RMND5A: variants seen among roughly 807,000 people sequenced by gnomAD.
RMND5A encodes required for meiotic nuclear division 5 homolog A, also known as E3 ubiquitin-protein transferase RMND5A.
In RMND5A, 17 loss-of-function variants were observed where a neutral mutation model predicts 49.7. The observed-to-expected ratio is 0.34, with a 90% CI of 0.23 to 0.51. RMND5A has a LOEUF of 0.51. RMND5A is among the 20% of genes least tolerant of loss of function. The pLI, the probability that RMND5A is intolerant of heterozygous loss-of-function variation, is 0.96. For synonymous variants in RMND5A, 156 were observed against 167.7 expected, an observed-to-expected ratio of 0.93 and a Z score of 0.54; for missense variants, 255 against 471.3, an observed-to-expected ratio of 0.54 and a Z score of 4.25.
rs769980625 is a variant in RMND5A at position 86,777,195 on chromosome 2, C to T, written c.*3784C>T. The T allele has an allele frequency of 6.6e-6, 1 of 152,182 alleles. No individual in the cohort carries two copies. Among genetic ancestry groups the T allele is most frequent in the Admixed American group, 6.5e-5 (1 of 15,280 alleles). 9.4% of individuals were successfully genotyped at this position (152,182 alleles called of 1,614,324 possible). ...AGTGGGCATATGCTTCATTTACTTC[C>T]AAAGAGGCAAAAGCAGCTGGAATTG... On this transcript the variant is annotated 3_prime_UTR_variant, in exon 9 of 9. Transcript: ENST00000283632.
At chr2:86,720,942 C>A in intron 1 of RMND5A, 133 bp downstream of exon 1, 1 of 739,264 alleles carries the variant, frequency 1.4e-6, no homozygotes, top group South Asian at 2.1e-5. Flanking sequence ...GCGGAGGCCC[C>A]CAGACCCCTG....
At chr2:86,757,174 CAAAAAAAAAAAAAAAAA>C (rs60710494) in intron 4 of RMND5A, among the ~76,000 whole-genome samples, 76 of 97,954 alleles carry the variant, frequency 7.8e-4, no homozygotes, top group African/African-American at 2.8e-3. Flanking sequence ...AACTCAGTCT[CAAAAAAAAAAAAAAAAA>C]AAAAAAAAAA....
chr2:86,772,615 G>A (rs1309769730), intron 8 of RMND5A, among the ~76,000 whole-genome samples: 2 of 146,676 alleles, frequency 1.4e-5, no homozygotes, highest in Non-Finnish European at 3.0e-5. Flanking sequence ...TTTTTTTTGC[G>A]ATTGAGTCTC....
chr2:86,761,406 G>C (rs1672486898), intron 4 of RMND5A, among the ~76,000 whole-genome samples: 1 of 152,200 alleles, frequency 6.6e-6, no homozygotes, highest in Non-Finnish European at 1.5e-5. Context: ...CCAGGGAATT[G>C]AGGTCAAGAA....
rs138837213 is a variant in RMND5A, at chr2:86,764,178, G to T, written c.522-849G>T. ...CCAGTTCAGATTCTAGTGGTCTTTG[G>T]TGAATTAGGTTAGGTGGGGAGTATT... On this transcript the variant is annotated intron_variant, in intron 4 of 8. Transcript: ENST00000283632. Among the ~76,000 whole-genome samples, 1,326 of 152,274 alleles carry T rather than the reference G, an allele frequency of 8.7e-3. 66 individuals are homozygous for T. The highest frequency in any genetic ancestry group is 0.076 in the Admixed American group (1,164 of 15,300).
chr2:86,720,924 C>A, intron 1 of RMND5A, 115 bp downstream of exon 1: 1 of 1,003,256 alleles, frequency 1.0e-6, no homozygotes, highest in Non-Finnish European at 1.4e-6. Flanking sequence ...CCTTGCCTCC[C>A]CTGAGGCGCG....
intron 4 of RMND5A, among the ~76,000 whole-genome samples, chr2:86,754,078 A>G (rs1208908271): frequency 2.6e-5 from 4 of 152,276 alleles, no homozygotes; most frequent in African/African-American, 9.6e-5. Context: ...TTACTCTGTA[A>G]GCTATAATAA....
Position 86,757,174 on chromosome 2 carries a change from C to CAAAAAA in RMND5A, c.521+3644_521+3649dup, listed in dbSNP as rs60710494. On this transcript the variant is annotated intron_variant, in intron 4 of 8. Coordinates refer to ENST00000283632, the MANE Select transcript of RMND5A (RefSeq NM_022780.4). Reference sequence around the variant, plus strand: ...GGGCAACAAGAGTGAAACTCAGTCTCAAAAAAAAAAAAAAAAAAAAAAAAA... The same window carrying CAAAAAA: ...GGGCAACAAGAGTGAAACTCAGTCTCAAAAAAAAAAAAAAAAAAAAAAAAAAAAAAA... 3.7e-3 allele frequency among the ~76,000 whole-genome samples: 364 copies of CAAAAAA among 97,898 alleles called. 3 individuals carry two copies. The highest frequency in any genetic ancestry group is 6.3e-3 in the African/African-American group (156 of 24,662). The allele number at this position is 97,898 out of a possible 152,430, so 64.2% of individuals were successfully genotyped here.
chr2:86,764,979 C>A (rs752378573), intron 4 of RMND5A, 48 bp from the exon 5 acceptor site: 1 of 1,544,592 alleles, frequency 6.5e-7, no homozygotes, highest in Non-Finnish European at 8.7e-7. Context: ...TTTTAAGACA[C>A]CTTGCTTATG....
At chr2:86,753,373 T>C in intron 3 of RMND5A, 85 bp from the exon 4 acceptor site, 1 of 765,012 alleles carries the variant, frequency 1.3e-6, no homozygotes, top group South Asian at 1.7e-5. Context: ...TTGCCCCATA[T>C]TTTACAATCT....
intron 4 of RMND5A, among the ~76,000 whole-genome samples, chr2:86,760,832 A>T (rs1236606817): frequency 6.6e-6 from 1 of 152,232 alleles, no homozygotes; most frequent in African/African-American, 2.4e-5. Context: ...TACAAAGCAT[A>T]TTGGAAAAGT....
intron 4 of RMND5A, among the ~76,000 whole-genome samples, chr2:86,756,185 A>T (rs1206666462): frequency 1.3e-5 from 2 of 152,136 alleles, no homozygotes; most frequent in African/African-American, 2.4e-5. Flanking sequence ...TGAGCCCAGG[A>T]GTTCGAGACC....
At chr2:86,771,976 G>A (rs993938039) in intron 8 of RMND5A, among the ~76,000 whole-genome samples, 20 of 152,100 alleles carry the variant, frequency 1.3e-4, no homozygotes, top group Admixed American at 3.3e-4. Context: ...ACAAATGGTC[G>A]CATACTAAAA....
intron 4 of RMND5A, among the ~76,000 whole-genome samples, chr2:86,757,673 G>A (rs771549275): frequency 6.6e-6 from 1 of 152,202 alleles, no homozygotes; most frequent in Non-Finnish European, 1.5e-5. Flanking sequence ...GAAGCTACTT[G>A]GTTGCCTTCC....
chr2:86,769,939 A>G, intron 6 of RMND5A, 84 bp from the exon 7 acceptor site: 1 of 908,008 alleles, frequency 1.1e-6, no homozygotes, highest in Non-Finnish European at 1.8e-6. Flanking sequence ...TGCAGCACAT[A>G]GAGTCTGGAG....
chr2:86,771,514 A>G, intron 7 of RMND5A, 44 bp from the exon 8 acceptor site: 8 of 1,565,776 alleles, frequency 5.1e-6, no homozygotes, highest in Non-Finnish European at 6.9e-6. Flanking sequence ...TGGTTTTGTG[A>G]AATATGACTT....
chr2:86,770,270 T>C lies in RMND5A; in HGVS notation c.957+145T>C, dbSNP rs192992702. On this transcript the variant is annotated intron_variant, in intron 7 of 8. Transcript: ENST00000283632. ...TATGGATATATAAAAGATTAAACAA[T>C]ACAAATGAAGAGCCTAGTACATTTT... The C allele has an allele frequency of 1.2e-3, 816 of 654,400 alleles. 7 individuals carry two copies. In the African/African-American group the frequency reaches 0.014, roughly 11 times the overall value. The allele number at this position is 654,400 out of a possible 1,614,324, so 40.5% of individuals were successfully genotyped here. A position where few individuals can be genotyped will look rare whatever the true frequency, so the allele number is the denominator to read the frequency against.
rs1386106429 is a variant in RMND5A at position 86,729,664 on chromosome 2, G to C, written c.142+8855G>C. ...AGAGATTGAATATGGATAGCAGAAA[G>C]AGCAGATGGAGTGCCTGGAGGGGAG... On this transcript the variant is annotated intron_variant, in intron 1 of 8. Coordinates refer to ENST00000283632, the MANE Select transcript of RMND5A (RefSeq NM_022780.4). 2.1e-5 allele frequency among the ~76,000 whole-genome samples: 2 copies of C among 95,674 alleles called. 1 individual carries two copies. Among genetic ancestry groups the C allele is most frequent in the Non-Finnish European group, 5.1e-5 (2 of 38,996 alleles). The allele number at this position is 95,674 out of a possible 152,430, so 62.8% of individuals were successfully genotyped here. A position where few individuals can be genotyped will look rare whatever the true frequency, so the allele number is the denominator to read the frequency against.
intron 2 of RMND5A, among the ~76,000 whole-genome samples, chr2:86,749,277 T>G (rs1471937703): frequency 6.6e-6 from 1 of 152,198 alleles, no homozygotes; most frequent in Non-Finnish European, 1.5e-5. Context: ...TAAATAGAAA[T>G]TAAACATAAT....
Sources: allele counts gnomAD v4.1 joint callset (sites outside exome capture counted in the v4.1 genomes callset), GRCh38; gene constraint gnomAD v4.1.1; transcripts MANE v1.5; gene names NCBI Gene and HGNC (gene_info 2026-07-23, HGNC 2026-07-21).